Variants in SPRYD3 observed in about 807,000 individuals in gnomAD.
The protein encoded by SPRYD3 is SPRY domain containing 3, also known as SPRY domain-containing protein 3.
SPRYD3 carries 17 observed loss-of-function variants against 50.1 expected under a neutral mutation model. The observed-to-expected ratio is 0.34, with a 90% CI of 0.23 to 0.51. The LOEUF is 0.51. Among genes scored for constraint, SPRYD3 ranks in the 20% least tolerant of loss-of-function variants. SPRYD3 has a pLI of 0.97. For missense variants in SPRYD3, 401 were observed against 591.2 expected (o/e 0.68, Z 3.34); for synonymous variants, 198 against 215.5 (o/e 0.92, Z 0.71).
intron 6 of SPRYD3, among the ~76,000 whole-genome samples, chr12:53,069,990 A>T (rs1944537768): frequency 6.6e-6 from 1 of 152,216 alleles, no homozygotes; most frequent in Non-Finnish European, 1.5e-5. Flanking sequence ...ATACCCGGCC[A>T]GCCCCTCCCT....
Position 53,065,444 on chromosome 12 carries a change from GTCTAC to G in SPRYD3, c.*383_*387del, listed in dbSNP as rs779341618. The G allele has an allele frequency of 4.4e-5, 8 of 181,290 alleles. No individual in the cohort carries two copies. Among genetic ancestry groups the G allele is most frequent in the African/African-American group, 1.2e-4 (5 of 42,586 alleles). The allele number at this position is 181,290 out of a possible 1,614,324, so 11.2% of individuals were successfully genotyped here. On this transcript the variant is annotated 3_prime_UTR_variant, in exon 11 of 11. Coordinates refer to ENST00000301463, the MANE Select transcript of SPRYD3 (RefSeq NM_032840.3). ...ACCATGGTGAGTAGGGGAGGGGGCT[GTCTAC>G]TCTACCCTCTACAAAGCATCATGCC...
rs1441779423 is a variant in SPRYD3 at position 53,077,410 on chromosome 12, A to G, written c.24-149T>C. 7.9e-6 allele frequency: 6 copies of G among 757,686 alleles called. No homozygotes were observed. In the East Asian group the frequency reaches 8.1e-5, roughly 10 times the overall value. The allele number at this position is 757,686 out of a possible 1,614,324, so 46.9% of individuals were successfully genotyped here. ...ACCCTCATCTTCTTTCTTCCATTCA[A>G]CAAACATTTACCAAGCACCTACTCT... On this transcript the variant is annotated intron_variant, in intron 1 of 10. Coordinates refer to ENST00000301463, the MANE Select transcript of SPRYD3 (RefSeq NM_032840.3).
chr12:53,072,844 A>G (rs1291375459), intron 6 of SPRYD3, among the ~76,000 whole-genome samples: 2 of 152,220 alleles, frequency 1.3e-5, no homozygotes, highest in Admixed American at 6.5e-5. Flanking sequence ...CACTTCCTCA[A>G]AAAAGATGGC....
At chr12:53,066,889 G>A (rs368213421) in intron 8 of SPRYD3, among the ~76,000 whole-genome samples, 197 bp from the exon 9 acceptor site, 2 of 152,182 alleles carry the variant, frequency 1.3e-5, no homozygotes, top group African/African-American at 4.8e-5. Context: ...AAGGAGGGTG[G>A]ATCACCTGAA....
At position 53,073,304 on chromosome 12, in the gene SPRYD3, A is replaced by G; in HGVS notation, c.675T>C (p.Asp225=). The stretch of plus-strand genomic sequence containing the variant: ...TACTTACAGTCCCACAGACTCTGAC[A>G]TCATGTAGCCGGCCCCATTCATCCT... ...SYEDEWGRLH[D]VRVCGTLLEY... The change falls in exon 6 of 11, where the codon GAT becomes GAC. Residue 225 remains aspartate, a synonymous_variant. Coordinates refer to ENST00000301463, the MANE Select transcript of SPRYD3 (RefSeq NM_032840.3). The G allele has an allele frequency of 7.9e-7, 1 of 1,260,902 alleles. No individual in the cohort carries two copies. The allele number at this position is 1,260,902 out of a possible 1,614,324, so 78.1% of individuals were successfully genotyped here.
chr12:53,075,493 T>C (rs1039170011), intron 3 of SPRYD3, among the ~76,000 whole-genome samples: 51 of 152,058 alleles, frequency 3.4e-4, no homozygotes, highest in African/African-American at 1.2e-3. Context: ...AAGTCTGGGA[T>C]ATGGGTCAAA....
chr12:53,066,085 G>A, intron 10 of SPRYD3, 119 bp from the exon 11 acceptor site: 1 of 1,423,576 alleles, frequency 7.0e-7, no homozygotes, highest in Non-Finnish European at 9.6e-7. Flanking sequence ...CTGGAGAGGG[G>A]CAGTTAAGGT....
rs767192622 is a variant in SPRYD3 at position 53,074,682 on chromosome 12, G to A, written c.474C>T (p.Thr158=). Residue 158 remains threonine, a synonymous_variant, in exon 5 of 11, where the codon ACC becomes ACT. Transcript: ENST00000301463. The surrounding 1 kb of genome is among the most constrained non-coding windows in gnomAD (Gnocchi z 4.6). Reference sequence around the variant, plus strand: ...CATTTTTGGTGAAGAAGATCTGGGCGGTCTGCACATCAAAGGACACAGGCT... The same window carrying A: ...CATTTTTGGTGAAGAAGATCTGGGCAGTCTGCACATCAAAGGACACAGGCT... ...GIEPVSFDVQ[T]AQIFFTKNGK... 1.9e-5 allele frequency: 31 copies of A among 1,614,124 alleles called. No individual in the cohort carries two copies. Among genetic ancestry groups the A allele is most frequent in the Admixed American group, 1.5e-4 (9 of 60,008 alleles).
chr12:53,065,949 A>G lies in SPRYD3; in HGVS notation c.1212T>C (p.Asn404=). The change falls in exon 11 of 11, where the codon AAT becomes AAC. Residue 404 remains asparagine, a synonymous_variant. Coordinates refer to ENST00000301463, the MANE Select transcript of SPRYD3 (RefSeq NM_032840.3). ...GRKVVVFFTR[N]GKIIGKKDAV... ...CATCCTTCTTCCCAATGATCTTGCC[A>G]TTCCGAGTGAAGAAAACCTGGGGAG... 3.7e-6 allele frequency: 6 copies of G among 1,613,188 alleles called. No individual in the cohort carries two copies. The highest frequency in any genetic ancestry group is 1.1e-5 in the South Asian group (1 of 91,046).
chr12:53,076,312 G>C (rs1054928427), intron 2 of SPRYD3, among the ~76,000 whole-genome samples: 1 of 152,204 alleles, frequency 6.6e-6, no homozygotes, highest in African/African-American at 2.4e-5. Context: ...GTGGAACTCT[G>C]TGAGAGCATG....
Position 53,074,802 on chromosome 12 carries a change from C to A in SPRYD3, c.372-18G>T. On this transcript the variant is annotated intron_variant, in intron 4 of 10. Coordinates refer to ENST00000301463, the MANE Select transcript of SPRYD3 (RefSeq NM_032840.3). The surrounding 1 kb of genome is among the most constrained non-coding windows in gnomAD (Gnocchi z 4.6). The stretch of plus-strand genomic sequence containing the variant: ...TGTACAGCCTACAGACAGAGTAGTA[C>A]AGACACAGGACCCGAGCCTGGCCTC... 6.2e-7 allele frequency: 1 copy of A among 1,613,940 alleles called. No individual in the cohort carries two copies. The highest frequency in any genetic ancestry group is 8.5e-7 in the Non-Finnish European group (1 of 1,179,818).
intron 7 of SPRYD3, 98 bp from the exon 8 acceptor site, chr12:53,067,803 C>A: frequency 9.0e-7 from 1 of 1,111,070 alleles, no homozygotes; most frequent in Non-Finnish European, 1.4e-6. Flanking sequence ...AGACCACAGC[C>A]CAGAGAGTGC....
rs376344374 is a variant in SPRYD3 at position 53,069,768 on chromosome 12, A to C, written c.694-1464T>G. Among the ~76,000 whole-genome samples, 19 of 152,228 alleles carry C rather than the reference A, an allele frequency of 1.2e-4. No individual in the cohort carries two copies. In the East Asian group the frequency reaches 2.1e-3, roughly 17 times the overall value. On this transcript the variant is annotated intron_variant, in intron 6 of 10. Coordinates refer to ENST00000301463, the MANE Select transcript of SPRYD3 (RefSeq NM_032840.3). ...CTGCCTCTCTCCCCGGGAAGCCAGG[A>C]GGGGTGTGGCTTGATCCACATTAAC...
intron 2 of SPRYD3, among the ~76,000 whole-genome samples, chr12:53,076,339 G>T (rs757317106): frequency 5.3e-5 from 8 of 152,206 alleles, no homozygotes; most frequent in Non-Finnish European, 8.8e-5. Context: ...GAAGGAGTCA[G>T]GGAAGGGGTT....
intron 8 of SPRYD3, 64 bp downstream of exon 8, chr12:53,067,584 G>T: frequency 6.6e-7 from 1 of 1,506,972 alleles, no homozygotes; most frequent in Non-Finnish European, 9.2e-7. Flanking sequence ...AGAGGGGAAA[G>T]TGGATGTCCC....
intron 8 of SPRYD3, 92 bp from the exon 9 acceptor site, chr12:53,066,784 C>T (rs986652900): frequency 1.3e-5 from 19 of 1,462,208 alleles, no homozygotes; most frequent in Admixed American, 4.4e-5. Flanking sequence ...ACTTCCCACC[C>T]CTCAGAGGAA....
chr12:53,077,481 C>T (rs1944597996), intron 1 of SPRYD3, among the ~76,000 whole-genome samples: 1 of 152,212 alleles, frequency 6.6e-6, no homozygotes, highest in African/African-American at 2.4e-5. Context: ...ACAAGATGGA[C>T]AGGATTCCCA....
Position 53,066,673 on chromosome 12 carries a change from A to G in SPRYD3, c.921T>C (p.His307=). 2 of 1,612,092 alleles carry G rather than the reference A, an allele frequency of 1.2e-6. No individual in the cohort carries two copies. The highest frequency in any genetic ancestry group is 2.2e-5 in the South Asian group (2 of 90,924). ...CAAAGGGGTCCCCCACACCACTGCC[A>G]TGGAAGATCTTCCCATCGTCTGTTG... is the stretch of plus-strand genomic sequence containing the variant. ...AYHADDGKIF[H]GSGVGDPFGP... The change falls in exon 9 of 11, where the codon CAT becomes CAC. Residue 307 remains histidine (H), a synonymous_variant. Coordinates refer to ENST00000301463, the MANE Select transcript of SPRYD3 (RefSeq NM_032840.3).
At chr12:53,073,567 G>GGGCGTGGTGGCTCACGCCT in intron 5 of SPRYD3, 96 bp from the exon 6 acceptor site, 4 of 1,027,946 alleles carry the variant, frequency 3.9e-6, no homozygotes, top group Non-Finnish European at 5.5e-6. Context: ...GCAACCAGCC[G>GGGCGTGGTGGCTCACGCCT]GGCGTGGTGG....
Sources: gnomAD v4.1 joint callset for allele counts (sites outside exome capture counted in the v4.1 genomes callset) on GRCh38, gnomAD v4.1.1 for gene constraint, Gnocchi (gnomAD v3.1) non-coding constraint, MANE v1.5 for transcripts, NCBI Gene and HGNC (gene_info 2026-07-23, HGNC 2026-07-21) for gene names.